The following FGGY variants were observed in gnomAD, a reference collection of about 807,000 sequenced individuals.
FGGY encodes FGGY carbohydrate kinase domain containing, also known as FGGY carbohydrate kinase domain-containing protein.
FGGY carries 72 observed loss-of-function variants against 71.3 expected under a neutral mutation model. That is an observed-to-expected ratio of 1.01 (90% CI 0.84 to 1.23). The LOEUF is 1.23. Among genes scored for constraint, FGGY ranks in the 50% most tolerant of loss-of-function variants. The pLI is 0.00. For synonymous variants in FGGY, 251 were observed against 250.3 expected (o/e 1.00, Z -0.02); for missense variants, 668 against 682.3 (o/e 0.98, Z 0.23).
At position 59,548,982 on chromosome 1, in the gene FGGY, A is replaced by C. The variant is rs72917723; in HGVS notation, c.800-5142A>C. Among the ~76,000 whole-genome samples the C allele has an allele frequency of 7.0e-3, 1,066 of 152,334 alleles. 11 individuals are homozygous for C. Among genetic ancestry groups the C allele is most frequent in the African/African-American group, 0.024 (999 of 41,576 alleles). On this transcript the variant is annotated intron_variant, in intron 7 of 15. Coordinates refer to ENST00000303721, the MANE Select transcript of FGGY (RefSeq NM_018291.5). ...GAAATCACATGATGAATGAGTCCTT[A>C]TTTTTAAGCACTGTGCCATAATACT...
intron 13 of FGGY, among the ~76,000 whole-genome samples, chr1:59,669,540 C>CTTTT (rs58004594): frequency 2.1e-4 from 22 of 102,496 alleles, no homozygotes; most frequent in Admixed American, 2.8e-4. Flanking sequence ...TTCTAGACTT[C>CTTTT]TTTTTTTTTT....
chr1:59,682,195 TGA>T (rs1376771319), intron 14 of FGGY, among the ~76,000 whole-genome samples: 1 of 152,030 alleles, frequency 6.6e-6, no homozygotes, highest in African/African-American at 2.4e-5. Context: ...GGCTAGAAAG[TGA>T]GAGAGGCAGA....
chr1:59,338,513 CA>C (rs925497515), intron 2 of FGGY, among the ~76,000 whole-genome samples: 3 of 149,930 alleles, frequency 2.0e-5, no homozygotes, highest in South Asian at 2.1e-4. Flanking sequence ...TTTGATTTTT[CA>C]AAAAAAAAGT....
chr1:59,612,875 C>T (rs1201252019), intron 9 of FGGY, among the ~76,000 whole-genome samples: 1 of 152,060 alleles, frequency 6.6e-6, no homozygotes, highest in Non-Finnish European at 1.5e-5. Flanking sequence ...GACTTTAAAC[C>T]AACAAAGATC....
At chr1:59,371,126 G>C (rs1161910839) in intron 4 of FGGY, among the ~76,000 whole-genome samples, 3 of 152,190 alleles carry the variant, frequency 2.0e-5, no homozygotes, top group African/African-American at 7.2e-5. Context: ...TGGATAAAGA[G>C]TCAAGACCCA....
At chr1:59,711,299 G>C (rs887072746) in intron 14 of FGGY, among the ~76,000 whole-genome samples, 1 of 152,082 alleles carries the variant, frequency 6.6e-6, no homozygotes, top group African/African-American at 2.4e-5. Flanking sequence ...CAAGCAGTCG[G>C]GGGAAGGGGA....
chr1:59,310,792 G>C (rs2044179197), intron 1 of FGGY, among the ~76,000 whole-genome samples: 2 of 152,206 alleles, frequency 1.3e-5, no homozygotes, highest in African/African-American at 2.4e-5. Context: ...AGAGGAGCAT[G>C]GTGCTTCAGC....
intron 5 of FGGY, among the ~76,000 whole-genome samples, chr1:59,389,336 G>A (rs1412645833): frequency 1.3e-5 from 2 of 152,072 alleles, no homozygotes. Context: ...ATCCTTTTGC[G>A]TCTGGCATAT....
At chr1:59,379,725 A>G (rs1162896045) in intron 5 of FGGY, among the ~76,000 whole-genome samples, 1 of 152,134 alleles carries the variant, frequency 6.6e-6, no homozygotes, top group East Asian at 1.9e-4. Context: ...TTGTAATAAC[A>G]CTTATCTTAA....
At chr1:59,755,291 T>C (rs2098280498) in intron 14 of FGGY, 1 of 152,192 alleles carries the variant, frequency 6.6e-6, no homozygotes, top group South Asian at 2.1e-4. Context: ...CTTAAGTTCA[T>C]TCATTCCGTA....
intron 7 of FGGY, among the ~76,000 whole-genome samples, chr1:59,533,340 G>A (rs561586994): frequency 1.7e-4 from 26 of 152,236 alleles, no homozygotes; most frequent in African/African-American, 3.1e-4. Context: ...CACCTGGCTC[G>A]GAGGGTCCTA....
chr1:59,720,903 A>G (rs78667879), intron 14 of FGGY, among the ~76,000 whole-genome samples: 7,174 of 152,194 alleles, frequency 0.047, 581 homozygotes, highest in African/African-American at 0.17. Flanking sequence ...TCCTTCTGCC[A>G]CTTGCCCAAA....
chr1:59,753,626 A>G (rs970818953), intron 14 of FGGY, among the ~76,000 whole-genome samples: 1 of 150,204 alleles, frequency 6.7e-6, no homozygotes, highest in African/African-American at 2.4e-5. Context: ...ATGCTATCCA[A>G]CCTGTTAACA....
rs542010386 is a variant in FGGY, at chr1:59,446,746, A to G, written c.555-10215A>G. 3.9e-5 allele frequency among the ~76,000 whole-genome samples: 6 copies of G among 152,298 alleles called. No individual in the cohort carries two copies. The East Asian group carries it at 1.2e-3, about 29-fold the overall frequency. On this transcript the variant is annotated intron_variant, in intron 5 of 15. Coordinates refer to ENST00000303721, the MANE Select transcript of FGGY (RefSeq NM_018291.5). ...TAATTTATCCCCACTCTCAGCTCTA[A>G]TTATTCTGTTCTTCACTGGCTGGTT...
At chr1:59,701,153 GCCTAAGAAAGGTTATAC>G in intron 14 of FGGY, among the ~76,000 whole-genome samples, 1 of 152,258 alleles carries the variant, frequency 6.6e-6, no homozygotes, top group South Asian at 2.1e-4. Flanking sequence ...AAGAGAATTG[GCCTAAGAAAGGTTATAC>G]CCTGAGTATC....
chr1:59,525,129 G>A (rs1314195294), intron 7 of FGGY, among the ~76,000 whole-genome samples: 1 of 152,240 alleles, frequency 6.6e-6, no homozygotes, highest in Non-Finnish European at 1.5e-5. Context: ...AGATCCAGCT[G>A]CAGCCTTGCG....
intron 8 of FGGY, among the ~76,000 whole-genome samples, chr1:59,602,756 C>G (rs1322807908): frequency 6.6e-6 from 1 of 152,188 alleles, no homozygotes; most frequent in Non-Finnish European, 1.5e-5. Context: ...GAAATGCTCA[C>G]TCTTTTCCCA....
chr1:59,415,169 T>G (rs2064184345), intron 5 of FGGY, among the ~76,000 whole-genome samples: 1 of 152,210 alleles, frequency 6.6e-6, no homozygotes, highest in Non-Finnish European at 1.5e-5. Flanking sequence ...GGCAAATGCC[T>G]ATCTCAAAAA....
At chr1:59,318,405 G>A (rs528521867) in intron 1 of FGGY, among the ~76,000 whole-genome samples, 1 of 152,290 alleles carries the variant, frequency 6.6e-6, no homozygotes, top group Non-Finnish European at 1.5e-5. Flanking sequence ...GCGGCAGCTG[G>A]AATTAACTGT....
Sources: allele counts gnomAD v4.1 joint callset (sites outside exome capture counted in the v4.1 genomes callset), GRCh38; gene constraint gnomAD v4.1.1; transcripts MANE v1.5; gene names NCBI Gene and HGNC (gene_info 2026-07-23, HGNC 2026-07-21).